MAP4: variants seen among roughly 807,000 people sequenced by gnomAD.
MAP4 encodes the protein microtubule-associated protein 4.
In MAP4, 76 loss-of-function variants were observed where a neutral mutation model predicts 170.2. That is an observed-to-expected ratio of 0.45 (90% CI 0.37 to 0.54). MAP4 has a LOEUF of 0.54. MAP4 is among the 20% of genes least tolerant of loss of function. The pLI is 0.00. For missense variants in MAP4, 2,506 were observed against 2,748.0 expected (o/e 0.91, Z 1.97); for synonymous variants, 909 against 994.5 (o/e 0.91, Z 1.62).
In MAP4 at chr3:47,875,839, G is replaced by C. The variant is rs1460706980; in HGVS notation, c.5603C>G (p.Ser1868Cys). 1 of 1,613,972 alleles carries C rather than the reference G, an allele frequency of 6.2e-7. No homozygotes were observed. Residue 1868 changes from serine to cysteine, a missense_variant, in exon 12 of 21, where the codon TCT (serine) becomes TGT (cysteine). Physicochemically the swap from Ser to Cys is moderately radical, Grantham distance 112. Around this residue, in one of 3 missense-constraint regions of MAP4, gnomAD observed 2,008 missense variants for 2,206.0 expected, o/e 0.91. Transcript: ENST00000683076. ...STSKAKTQPT[S>C]LPKQPAPTTI... is the part of the protein sequence containing the mutation. ...GGTGGGAGCTGGCTGCTTAGGGAGA[G>C]AAGTGGGCTGTGTTTTGGCTTTCGA...
At chr3:48,014,071 C>T (rs997116499) in intron 1 of MAP4, among the ~76,000 whole-genome samples, 4 of 152,136 alleles carry the variant, frequency 2.6e-5, no homozygotes, top group African/African-American at 9.7e-5. Flanking sequence ...CTATTAAGAG[C>T]TAGGTGCTCA....
At chr3:48,045,174 C>G (rs1443771022) in intron 1 of MAP4, among the ~76,000 whole-genome samples, 3 of 147,642 alleles carry the variant, frequency 2.0e-5, no homozygotes, top group African/African-American at 7.5e-5. Context: ...AGGAGAATCG[C>G]TTGAACCCAG....
At chr3:47,941,034 C>T (rs1263302251) in intron 3 of MAP4, among the ~76,000 whole-genome samples, 1 of 151,810 alleles carries the variant, frequency 6.6e-6, no homozygotes, top group Non-Finnish European at 1.5e-5. Context: ...GCCACCACCA[C>T]ACTTGGCTAA....
At chr3:48,087,745 G>GCGCACACACACACA (rs1491486983) in intron 1 of MAP4, among the ~76,000 whole-genome samples, 1 of 105,614 alleles carries the variant, frequency 9.5e-6, no homozygotes, top group Non-Finnish European at 2.1e-5. Flanking sequence ...ACACGCACGC[G>GCGCACACACACACA]CACACACACA....
At position 47,853,250 on chromosome 3, in the gene MAP4, C is replaced by A. The variant is rs2046955115; in HGVS notation, c.6799G>T (p.Ala2267Ser). 6.3e-7 allele frequency: 1 copy of A among 1,591,454 alleles called. No homozygotes were observed. The highest frequency in any genetic ancestry group is 8.6e-7 in the Non-Finnish European group (1 of 1,167,368). ...GTGGGGTGGCCATTGAGGCCACTGG[C>A]TGAAGTGGGGGCGCCAGCTTCAGGC... ...AAPEAGAPTS[A>S]SGLNGHPTLS... is the part of the protein sequence containing the mutation. Residue 2267 changes from alanine to serine, a missense_variant, in exon 20 of 21, where the codon GCC (alanine) becomes TCC (serine). Ala to Ser is a moderately conservative substitution (Grantham distance 99). Transcript: ENST00000683076.
chr3:48,056,663 G>A (rs1252181648), intron 1 of MAP4, among the ~76,000 whole-genome samples: 1 of 123,550 alleles, frequency 8.1e-6, no homozygotes, highest in Admixed American at 7.3e-5. Context: ...TGGGAGGGAG[G>A]TGGGGGGGTC....
At chr3:48,002,987 A>AATT (rs1559772777) in intron 1 of MAP4, among the ~76,000 whole-genome samples, 1 of 149,248 alleles carries the variant, frequency 6.7e-6, no homozygotes, top group African/African-American at 2.5e-5. Flanking sequence ...ATAAATAAAT[A>AATT]AATAAATTTA....
chr3:48,061,360 T>C (rs990484416), intron 1 of MAP4, among the ~76,000 whole-genome samples: 1 of 151,348 alleles, frequency 6.6e-6, no homozygotes, highest in African/African-American at 2.4e-5. Context: ...GCCTGACCGG[T>C]TTTCGTATTT....
chr3:47,976,128 A>C (rs1337929808), intron 3 of MAP4, among the ~76,000 whole-genome samples: 1 of 152,102 alleles, frequency 6.6e-6, no homozygotes, highest in Non-Finnish European at 1.5e-5. Flanking sequence ...TTCAATTCAA[A>C]ACTCAATCCA....
At chr3:47,973,377 G>A in intron 3 of MAP4, 1 of 985,402 alleles carries the variant, frequency 1.0e-6, no homozygotes, top group Non-Finnish European at 1.2e-6. Context: ...CCACTTGGGT[G>A]TGACCACTAT....
At chr3:48,049,949 A>T (rs1490564907) in intron 1 of MAP4, among the ~76,000 whole-genome samples, 3 of 151,682 alleles carry the variant, frequency 2.0e-5, no homozygotes, top group African/African-American at 4.8e-5. Context: ...GAAAAAAAAT[A>T]AATTAATTAA....
chr3:47,899,792 G>A (rs1426857204), intron 10 of MAP4, among the ~76,000 whole-genome samples: 1 of 152,158 alleles, frequency 6.6e-6, no homozygotes, highest in African/African-American at 2.4e-5. Flanking sequence ...GTGGTGATCT[G>A]GAATGTCCTT....
intron 1 of MAP4, 30 bp from the exon 2 acceptor site, chr3:47,998,909 A>G: frequency 8.1e-7 from 1 of 1,240,432 alleles, no homozygotes; most frequent in Non-Finnish European, 1.2e-6. Flanking sequence ...TCTTTCATGT[A>G]ACGAGCACTG....
intron 17 of MAP4, among the ~76,000 whole-genome samples, chr3:47,863,165 G>A (rs2071149624): frequency 6.6e-6 from 1 of 152,092 alleles, no homozygotes; most frequent in Non-Finnish European, 1.5e-5. Context: ...TAATAGAGAC[G>A]GGGTTTCTCC....
chr3:48,009,267 A>C (rs1484722293), intron 1 of MAP4, among the ~76,000 whole-genome samples: 1 of 151,992 alleles, frequency 6.6e-6, no homozygotes, highest in East Asian at 1.9e-4. Flanking sequence ...CACCCAGCTA[A>C]TTTTTGTATT....
chr3:47,940,377 C>T (rs2100055506), intron 3 of MAP4, among the ~76,000 whole-genome samples: 1 of 152,170 alleles, frequency 6.6e-6, no homozygotes, highest in South Asian at 2.1e-4. Flanking sequence ...GAAACAACAG[C>T]CTTCAGAATA....
chr3:47,884,716 G>A (rs1465555912), intron 10 of MAP4, among the ~76,000 whole-genome samples: 1 of 152,086 alleles, frequency 6.6e-6, no homozygotes, highest in East Asian at 1.9e-4. Context: ...TGGCTGCCTG[G>A]GACCCAGGCA....
At chr3:47,946,027 C>G (rs1176336105) in intron 3 of MAP4, among the ~76,000 whole-genome samples, 1 of 151,926 alleles carries the variant, frequency 6.6e-6, no homozygotes. Context: ...CTCTGCCTCC[C>G]AGGTTCATGC....
At chr3:48,008,567 T>A (rs937172872) in intron 1 of MAP4, among the ~76,000 whole-genome samples, 1 of 152,182 alleles carries the variant, frequency 6.6e-6, no homozygotes, top group African/African-American at 2.4e-5. Context: ...AGGAGCATGA[T>A]TGGAAACTTG....
Sources: gnomAD v4.1 joint callset for allele counts (sites outside exome capture counted in the v4.1 genomes callset) on GRCh38, gnomAD v4.1.1 for gene constraint, gnomAD v4.1.1 regional missense constraint, MANE v1.5 for transcripts, NCBI Gene and HGNC (gene_info 2026-07-23, HGNC 2026-07-21) for gene names.